MAP2K3: variants seen among roughly 807,000 people sequenced by gnomAD.
MAP2K3 encodes dual specificity mitogen-activated protein kinase kinase 3.
MAP2K3 carries 30 observed loss-of-function variants against 46.4 expected under a neutral mutation model. The ratio of observed to expected loss-of-function variants is 0.65; its 90% CI spans 0.48 to 0.88. The LOEUF (loss-of-function observed/expected upper bound fraction) is 0.88. MAP2K3 is among the 40% of genes least tolerant of loss of function. The probability of loss-of-function intolerance (pLI) is 0.00; values close to 1 mark genes in which losing one functional copy is unlikely to be tolerated. For synonymous variants in MAP2K3, 189 were observed against 176.3 expected (o/e 1.07, Z -0.57); for missense variants, 380 against 464.5 (o/e 0.82, Z 1.67).
At chr17:21,311,889 G>T in intron 9 of MAP2K3, 1 of 415,022 alleles carries the variant, frequency 2.4e-6, no homozygotes, top group Non-Finnish European at 4.3e-6. Context: ...ACCCTATGAT[G>T]GTCCCACCAG....
intron 1 of MAP2K3, chr17:21,287,920 C>T: frequency 4.0e-6 from 3 of 758,924 alleles, no homozygotes; most frequent in Middle Eastern, 2.7e-4. Context: ...GCCACCCCCC[C>T]AACCCCTGGC....
At chr17:21,303,049 T>G in intron 6 of MAP2K3, 134 bp from the exon 7 acceptor site, 11 of 1,173,622 alleles carry the variant, frequency 9.4e-6, no homozygotes, top group Non-Finnish European at 1.2e-5. Flanking sequence ...GAGGCTGGGA[T>G]GAGAGGGTGC....
chr17:21,299,257 C>T (rs1976452108), intron 3 of MAP2K3, among the ~76,000 whole-genome samples: 1 of 152,308 alleles, frequency 6.6e-6, no homozygotes, highest in Non-Finnish European at 1.5e-5. Flanking sequence ...CCGCCCTGGA[C>T]CCGCTGGATC....
At chr17:21,290,700 C>A (rs1485871400) in intron 1 of MAP2K3, among the ~76,000 whole-genome samples, 1 of 152,312 alleles carries the variant, frequency 6.6e-6, no homozygotes, top group Non-Finnish European at 1.5e-5. Flanking sequence ...TGATAAATCC[C>A]AGCCTTTGGG....
chr17:21,302,433 A>T (rs924962855), intron 6 of MAP2K3, among the ~76,000 whole-genome samples, 174 bp downstream of exon 6: 4 of 152,424 alleles, frequency 2.6e-5, no homozygotes, highest in Non-Finnish European at 1.5e-5. Flanking sequence ...ACCCCAGACC[A>T]GAGCCTTTGT....
intron 1 of MAP2K3, among the ~76,000 whole-genome samples, chr17:21,285,798 C>T (rs947182213): frequency 6.6e-6 from 1 of 152,320 alleles, no homozygotes; most frequent in South Asian, 2.1e-4. Context: ...GGGATTTGCT[C>T]TTCTCCAAGT....
chr17:21,291,388 ACAGTGAAG>A, intron 1 of MAP2K3: 1 of 351,250 alleles, frequency 2.8e-6, no homozygotes. Flanking sequence ...CGTAGTGATA[ACAGTGAAG>A]CACAGATGGC....
At chr17:21,297,473 CGT>C (rs1976322537) in intron 1 of MAP2K3, among the ~76,000 whole-genome samples, 1 of 152,310 alleles carries the variant, frequency 6.6e-6, no homozygotes, top group Non-Finnish European at 1.5e-5. Context: ...CTCCGGGAGC[CGT>C]GTCACTCCCA....
rs1433036479 is a variant in MAP2K3, at chr17:21,305,127, T to G, written c.773T>G (p.Met258Arg). The change falls in exon 9 of 12, where the codon ATG becomes AGG. Residue 258 changes from methionine (M) to arginine (R), a missense_variant and splice_region_variant. Physicochemically the swap from Met to Arg is moderately conservative, Grantham distance 91. Around this residue, in one of 5 missense-constraint regions of MAP2K3, gnomAD observed 0 missense variants for 44.8 expected, o/e 0.00. Coordinates refer to ENST00000342679, the MANE Select transcript of MAP2K3 (RefSeq NM_145109.3). ...GACGTCTGGAGCCTGGGCATCACCATGGTACTGTGGGGGGCCAGGGCCTGC... is the reference window on the plus strand; with the variant it reads ...GACGTCTGGAGCCTGGGCATCACCAGGGTACTGTGGGGGGCCAGGGCCTGC... ...KSDVWSLGIT[M>R]IEMAILRFPY... The G allele has an allele frequency of 6.2e-7, 1 of 1,614,306 alleles. No individual in the cohort carries two copies. Among genetic ancestry groups the G allele is most frequent in the East Asian group, 2.2e-5 (1 of 44,896 alleles).
At chr17:21,296,046 T>C in intron 1 of MAP2K3, 1 of 1,288,826 alleles carries the variant, frequency 7.8e-7, no homozygotes, top group Non-Finnish European at 1.0e-6. Flanking sequence ...CTACCTATAA[T>C]TCTCATTACT....
chr17:21,296,236 G>A (rs1437429241), intron 1 of MAP2K3: 1 of 1,273,588 alleles, frequency 7.9e-7, no homozygotes, highest in Admixed American at 2.3e-5. Flanking sequence ...GCCTCGAGCT[G>A]TTTTGTACAT....
chr17:21,288,221 G>C, intron 1 of MAP2K3: 3 of 636,578 alleles, frequency 4.7e-6, no homozygotes, highest in Non-Finnish European at 7.1e-6. Flanking sequence ...GTGGCACCTA[G>C]CCCTGAGCTG....
At chr17:21,298,533 G>C in intron 2 of MAP2K3, 54 bp downstream of exon 2, 1 of 1,614,036 alleles carries the variant, frequency 6.2e-7, no homozygotes, top group Non-Finnish European at 8.5e-7. Context: ...TCCCGAACAG[G>C]GCTCAATGGA....
chr17:21,285,037 A>G, intron 1 of MAP2K3, 68 bp downstream of exon 1: 3 of 1,553,224 alleles, frequency 1.9e-6, no homozygotes, highest in Admixed American at 1.9e-5. Flanking sequence ...GCAAACCCCG[A>G]CCTTTCTTTG....
intron 1 of MAP2K3, among the ~76,000 whole-genome samples, chr17:21,293,308 TG>T (rs201708568): frequency 9.3e-3 from 1,414 of 151,730 alleles, no homozygotes; most frequent in African/African-American, 0.03. Flanking sequence ...GGTCCTCCCG[TG>T]TTGCCTCCTT....
intron 1 of MAP2K3, among the ~76,000 whole-genome samples, chr17:21,287,734 T>C (rs891738636): frequency 1.3e-5 from 2 of 152,216 alleles, no homozygotes; most frequent in African/African-American, 4.8e-5. Context: ...ACCACACGTG[T>C]CCTGTTGTCG....
Position 21,284,751 on chromosome 17 carries a change from T to TGCAGTCGCCGCCGCAGTCCTCGCC in MAP2K3, c.-155_-132dup, listed in dbSNP as rs1391644642. ...CCGCCCGTCGCGGACTCGTCCTTGC[T>TGCAGTCGCCGCCGCAGTCCTCGCC]GCAGTCGCCGCCGCAGTCCTCGCCG... On this transcript the variant is annotated 5_prime_UTR_variant, in exon 1 of 12. Coordinates refer to ENST00000342679, the MANE Select transcript of MAP2K3 (RefSeq NM_145109.3). 1.3e-5 allele frequency: 8 copies of TGCAGTCGCCGCCGCAGTCCTCGCC among 631,086 alleles called. No homozygotes were observed. Among genetic ancestry groups the TGCAGTCGCCGCCGCAGTCCTCGCC allele is most frequent in the African/African-American group, 3.9e-5 (2 of 50,692 alleles). The allele number at this position is 631,086 out of a possible 1,614,324, so 39.1% of individuals were successfully genotyped here.
At chr17:21,300,098 T>C (rs1055549208) in intron 3 of MAP2K3, among the ~76,000 whole-genome samples, 3 of 152,312 alleles carry the variant, frequency 2.0e-5, no homozygotes, top group African/African-American at 7.2e-5. Context: ...CTCCTTTTTG[T>C]GTCCCTCCCA....
chr17:21,303,136 G>A, intron 6 of MAP2K3, 47 bp from the exon 7 acceptor site: 2 of 1,613,134 alleles, frequency 1.2e-6, no homozygotes, highest in East Asian at 2.2e-5. Context: ...GACGTGACCA[G>A]GAATAACAGA....
Sources: allele counts gnomAD v4.1 joint callset (sites outside exome capture counted in the v4.1 genomes callset), GRCh38; gene constraint gnomAD v4.1.1; regional missense constraint gnomAD v4.1.1; transcripts MANE v1.5; gene names NCBI Gene and HGNC (gene_info 2026-07-23, HGNC 2026-07-21).